The following TRERF1 variants were observed in gnomAD, a reference collection of about 807,000 sequenced individuals.
TRERF1 encodes the protein transcriptional regulating factor 1, also known as transcriptional-regulating factor 1.
Under a neutral mutation model 122.9 loss-of-function variants are expected in TRERF1, and 27 were observed. The ratio of observed to expected loss-of-function variants is 0.22; its 90% confidence interval spans 0.16 to 0.30. The LOEUF (loss-of-function observed/expected upper bound fraction) is 0.30, where lower values mean the gene tolerates loss of function less well. Among genes scored for constraint, TRERF1 ranks in the 10% least tolerant of loss-of-function variants. The pLI is 1.00. For missense variants in TRERF1, 1,248 were observed against 1,560.3 expected, an observed-to-expected ratio of 0.80 and a Z score of 3.37; for synonymous variants, 636 against 641.7, an observed-to-expected ratio of 0.99 and a Z score of 0.13.
intron 9 of TRERF1, among the ~76,000 whole-genome samples, chr6:42,258,499 G>C (rs1478062752): frequency 1.3e-5 from 2 of 152,212 alleles, no homozygotes; most frequent in Admixed American, 1.3e-4. Flanking sequence ...CTCTATGCTT[G>C]ATTTTTATAA....
At chr6:42,273,515 G>A (rs62416673) in intron 4 of TRERF1, among the ~76,000 whole-genome samples, 5 of 152,124 alleles carry the variant, frequency 3.3e-5, no homozygotes, top group African/African-American at 4.8e-5. Flanking sequence ...ATTGCACCTC[G>A]GTCCTGATAG....
rs373513114 is a variant in TRERF1, at chr6:42,428,186, C to A, written c.-454+22991G>T. On this transcript the variant is annotated intron_variant, in intron 2 of 17. Transcript: ENST00000372922. ...AGGCCCAGACTGACTAAGGTGAAAT[C>A]ATTTCATTTATTTTCTATGTAACTT... is the stretch of plus-strand genomic sequence containing the variant. 5.9e-5 allele frequency among the ~76,000 whole-genome samples: 9 copies of A among 152,354 alleles called. No homozygotes were observed. The South Asian group carries it at 1.9e-3, about 32-fold the overall frequency.
chr6:42,366,227 C>T (rs1772704148), intron 2 of TRERF1, among the ~76,000 whole-genome samples: 1 of 152,238 alleles, frequency 6.6e-6, no homozygotes, highest in Non-Finnish European at 1.5e-5. Flanking sequence ...CCCATGTGGA[C>T]TGCCAGCTTC....
intron 13 of TRERF1, among the ~76,000 whole-genome samples, chr6:42,248,413 C>T (rs1365622863): frequency 3.3e-5 from 5 of 151,170 alleles, no homozygotes; most frequent in South Asian, 4.2e-4. Context: ...AGTGCAGTGG[C>T]GAGATCTCGG....
chr6:42,421,262 T>C (rs1292490550), intron 2 of TRERF1, among the ~76,000 whole-genome samples: 1 of 152,216 alleles, frequency 6.6e-6, no homozygotes. Context: ...AATGGTAGCT[T>C]GGAACAATGG....
intron 2 of TRERF1, among the ~76,000 whole-genome samples, chr6:42,375,003 C>T (rs1418331144): frequency 1.1e-5 from 1 of 87,514 alleles, no homozygotes; most frequent in Non-Finnish European, 2.3e-5. Context: ...AAGATTCTGT[C>T]AAAAAAAAAA....
At chr6:42,368,798 A>G (rs1262519460) in intron 2 of TRERF1, among the ~76,000 whole-genome samples, 1 of 152,216 alleles carries the variant, frequency 6.6e-6, no homozygotes, top group African/African-American at 2.4e-5. Context: ...CATAGGCATT[A>G]TATCACAGGC....
intron 17 of TRERF1, among the ~76,000 whole-genome samples, chr6:42,230,968 A>G (rs1770432413): frequency 6.6e-6 from 1 of 152,206 alleles, no homozygotes; most frequent in Non-Finnish European, 1.5e-5. Flanking sequence ...TCTGCCTGTA[A>G]AAAAGAAGCT....
At chr6:42,301,286 A>G (rs1786135231) in intron 3 of TRERF1, among the ~76,000 whole-genome samples, 2 of 152,028 alleles carry the variant, frequency 1.3e-5, no homozygotes, top group Non-Finnish European at 2.9e-5. Flanking sequence ...CTGGAGTGCA[A>G]TGGTGTGATC....
At chr6:42,375,927 G>C (rs1394834387) in intron 2 of TRERF1, among the ~76,000 whole-genome samples, 5 of 152,114 alleles carry the variant, frequency 3.3e-5, no homozygotes, top group African/African-American at 1.2e-4. Context: ...CAAAAACCAA[G>C]CACATTAAAC....
At chr6:42,425,988 C>CCA (rs1783588377) in intron 2 of TRERF1, among the ~76,000 whole-genome samples, 1 of 152,154 alleles carries the variant, frequency 6.6e-6, no homozygotes, top group Non-Finnish European at 1.5e-5. Flanking sequence ...TACAAGGTCA[C>CCA]CCTCCAGTCT....
intron 3 of TRERF1, among the ~76,000 whole-genome samples, chr6:42,346,013 C>T (rs1248300439): frequency 6.6e-6 from 1 of 152,256 alleles, no homozygotes; most frequent in Non-Finnish European, 1.5e-5. Flanking sequence ...CAGAGAAGGA[C>T]TAACACACAA....
chr6:42,236,459 T>C (rs867380610), intron 15 of TRERF1, 48 bp from the exon 16 acceptor site: 1 of 1,536,790 alleles, frequency 6.5e-7, no homozygotes. Context: ...CCAAATGGCA[T>C]TCTTAGTGAT....
At chr6:42,331,844 C>T (rs546684138) in intron 3 of TRERF1, among the ~76,000 whole-genome samples, 41 of 152,342 alleles carry the variant, frequency 2.7e-4, no homozygotes, top group African/African-American at 9.9e-4. Context: ...CCTTCCACCC[C>T]CAGCCTCCCT....
chr6:42,427,188 A>C (rs1182881337), intron 2 of TRERF1, among the ~76,000 whole-genome samples: 2 of 152,236 alleles, frequency 1.3e-5, no homozygotes, highest in African/African-American at 4.8e-5. Context: ...TGTTTTTAAA[A>C]AAGAACTAAG....
At chr6:42,362,722 T>G (rs1772004251) in intron 3 of TRERF1, among the ~76,000 whole-genome samples, 1 of 152,124 alleles carries the variant, frequency 6.6e-6, no homozygotes, top group Non-Finnish European at 1.5e-5. Context: ...AGAACTACCA[T>G]CCATGGACAT....
At chr6:42,370,210 C>T (rs1321303665) in intron 2 of TRERF1, among the ~76,000 whole-genome samples, 1 of 152,158 alleles carries the variant, frequency 6.6e-6, no homozygotes, top group Non-Finnish European at 1.5e-5. Context: ...ATCACACATA[C>T]ACACATACAC....
rs140668413 is a variant in TRERF1 at position 42,450,783 on chromosome 6, C to T, written c.-454+394G>A. On this transcript the variant is annotated intron_variant, in intron 2 of 17. Coordinates refer to ENST00000372922, the Ensembl canonical transcript of TRERF1. ...TGGCCACACTAACTTCTGGGGAGTA[C>T]CCAGCCCCCACAGAGCCCGCAGGCG... 1.5e-3 allele frequency among the ~76,000 whole-genome samples: 224 copies of T among 152,302 alleles called. 2 individuals carry two copies. The highest frequency in any genetic ancestry group is 3.7e-3 in the African/African-American group (153 of 41,562).
chr6:42,370,752 C>A (rs1028515033), intron 2 of TRERF1, among the ~76,000 whole-genome samples: 3 of 152,148 alleles, frequency 2.0e-5, no homozygotes, highest in African/African-American at 7.2e-5. Flanking sequence ...CTTGGCCCTG[C>A]CAGCCCCCAA....
Sources: gnomAD v4.1 joint callset for allele counts (sites outside exome capture counted in the v4.1 genomes callset) on GRCh38, gnomAD v4.1.1 for gene constraint, MANE v1.5 for transcripts, NCBI Gene and HGNC (gene_info 2026-07-23, HGNC 2026-07-21) for gene names.